HNRNPD: variants seen among roughly 807,000 people sequenced by gnomAD.
The protein encoded by HNRNPD is heterogeneous nuclear ribonucleoprotein D, also known as heterogeneous nuclear ribonucleoprotein D0.
HNRNPD carries 3 observed loss-of-function variants against 47.9 expected under a neutral mutation model. The observed-to-expected ratio is 0.06, with a 90% CI of 0.03 to 0.16. The LOEUF is 0.16. HNRNPD is among the 10% of genes least tolerant of loss of function. The pLI is 1.00. For missense variants in HNRNPD, 287 were observed against 454.2 expected, an observed-to-expected ratio of 0.63 and a Z score of 3.35; for synonymous variants, 171 against 165.1, an observed-to-expected ratio of 1.04 and a Z score of -0.28.
At chr4:82,355,010 T>C (rs1578044725) in intron 8 of HNRNPD, 1 of 365,678 alleles carries the variant, frequency 2.7e-6, no homozygotes, top group Non-Finnish European at 5.0e-6. Context: ...CGCTGGCGGG[T>C]ACAAACAAGG....
At chr4:82,373,309 AAGGG>A (rs1720183810) in intron 1 of HNRNPD, 133 bp downstream of exon 1, 3 of 1,185,170 alleles carry the variant, frequency 2.5e-6, no homozygotes, top group Non-Finnish European at 3.5e-6. Flanking sequence ...AACATAGAAA[AAGGG>A]AGACCAGTGC....
At chr4:82,373,247 A>G in intron 1 of HNRNPD, 199 bp downstream of exon 1, 2 of 747,064 alleles carry the variant, frequency 2.7e-6, no homozygotes, top group Non-Finnish European at 4.5e-6. Flanking sequence ...GTGATGGGGG[A>G]GGGGGGCGAT....
At position 82,353,750 on chromosome 4, in the gene HNRNPD, C is replaced by G. The variant is rs534735952; in HGVS notation, c.*435G>C. 2.6e-5 allele frequency: 4 copies of G among 152,742 alleles called. No individual in the cohort carries two copies. The highest frequency in any genetic ancestry group is 6.5e-5 in the Admixed American group (1 of 15,298). The allele number at this position is 152,742 out of a possible 1,614,324, so 9.5% of individuals were successfully genotyped here. The stretch of plus-strand genomic sequence containing the variant: ...TAATCATGTCCTCAATTTCGGCAAG[C>G]CTGTCTTCCAAACTTATGCTTTTAA... On this transcript the variant is annotated 3_prime_UTR_variant, in exon 9 of 9. Transcript: ENST00000313899.
intron 2 of HNRNPD, 89 bp downstream of exon 2, chr4:82,371,439 G>GA: frequency 1.0e-6 from 1 of 990,964 alleles, no homozygotes; most frequent in Admixed American, 2.1e-5. Context: ...ATTTCCTGGG[G>GA]ATCAATGGGC....
At chr4:82,359,773 CCA>C in intron 2 of HNRNPD, 134 bp from the exon 3 acceptor site, 1 of 500,380 alleles carries the variant, frequency 2.0e-6, no homozygotes, top group African/African-American at 1.9e-5. Context: ...TCCTACATAA[CCA>C]CACATCAGGA....
chr4:82,373,765 C>CCG lies in HNRNPD; in HGVS notation c.-89_-88dup. 1 of 1,527,160 alleles carries CCG rather than the reference C, an allele frequency of 6.5e-7. No homozygotes were observed. Among genetic ancestry groups the CCG allele is most frequent in the Non-Finnish European group, 8.7e-7 (1 of 1,143,774 alleles). 94.6% of individuals were successfully genotyped at this position (1,527,160 alleles called of 1,614,324 possible). On this transcript the variant is annotated 5_prime_UTR_variant, in exon 1 of 9. Transcript: ENST00000313899. The stretch of plus-strand genomic sequence containing the variant: ...AGCAGCAAAGTAATCCCCGCCGCTG[C>CCG]CGCGCGCCCGCTCTACCTCGCGAAG...
chr4:82,356,360 T>C (rs755540135), intron 7 of HNRNPD, 177 bp downstream of exon 7: 16 of 579,978 alleles, frequency 2.8e-5, no homozygotes, highest in Admixed American at 6.1e-5. Context: ...CCTTATAATG[T>C]GTGTGTGATA....
At chr4:82,370,975 T>TACACACACAC (rs1490020615) in intron 2 of HNRNPD, among the ~76,000 whole-genome samples, 4 of 37,694 alleles carry the variant, frequency 1.1e-4, no homozygotes, top group African/African-American at 3.7e-4. Context: ...TTTAATGGTA[T>TACACACACAC]ATATATACAC....
intron 2 of HNRNPD, among the ~76,000 whole-genome samples, chr4:82,362,537 A>C (rs1282855761): frequency 6.6e-6 from 1 of 152,156 alleles, no homozygotes; most frequent in Non-Finnish European, 1.5e-5. Context: ...CAATGAACAC[A>C]AACTGGACCA....
chr4:82,359,368 T>C (rs955346202), intron 3 of HNRNPD, 103 bp downstream of exon 3: 1 of 708,930 alleles, frequency 1.4e-6, no homozygotes, highest in African/African-American at 1.8e-5. Flanking sequence ...TTCCTTCCTA[T>C]ACTATCAAAA....
rs1723600841 is a variant in HNRNPD at position 82,353,647 on chromosome 4, T to C, written c.*538A>G. ...CAACAAACAAATTGACATTAAGTCA[T>C]TCCCAATTTGGACAGGGAGGACACA... On this transcript the variant is annotated 3_prime_UTR_variant, in exon 9 of 9. Transcript: ENST00000313899. 6.6e-6 allele frequency: 1 copy of C among 152,648 alleles called. No homozygotes were observed. Among genetic ancestry groups the C allele is most frequent in the Non-Finnish European group, 1.5e-5 (1 of 68,034 alleles). 9.5% of individuals were successfully genotyped at this position (152,648 alleles called of 1,614,324 possible).
At chr4:82,361,682 AACAATT>A (rs1433456471) in intron 2 of HNRNPD, among the ~76,000 whole-genome samples, 10 of 152,236 alleles carry the variant, frequency 6.6e-5, no homozygotes, top group Admixed American at 5.9e-4. Flanking sequence ...AGAAACAGAA[AACAATT>A]ACAAAGAAAT....
chr4:82,367,026 CTTT>C (rs34807755), intron 2 of HNRNPD, among the ~76,000 whole-genome samples: 22,951 of 127,970 alleles, frequency 0.18, 2,259 homozygotes, highest in Non-Finnish European at 0.24. Context: ...ACACACTAGC[CTTT>C]TTTTTTTTTT....
intron 2 of HNRNPD, among the ~76,000 whole-genome samples, chr4:82,362,022 CCTCT>C (rs1269563611): frequency 2.0e-5 from 3 of 152,170 alleles, no homozygotes; most frequent in Non-Finnish European, 4.4e-5. Context: ...CACCGCCTGC[CCTCT>C]CTAATCTTTC....
intron 2 of HNRNPD, among the ~76,000 whole-genome samples, chr4:82,362,581 A>G (rs908242582): frequency 1.3e-5 from 2 of 152,046 alleles, no homozygotes; most frequent in Non-Finnish European, 2.9e-5. Context: ...GGAACATATT[A>G]ATTCCATTCC....
At position 82,352,502 on chromosome 4, in the gene HNRNPD, TTAAAAA is replaced by T. The variant is rs770047257; in HGVS notation, c.*1677_*1682del. The T allele has an allele frequency of 2.6e-5, 4 of 152,208 alleles. No individual in the cohort carries two copies. Among genetic ancestry groups the T allele is most frequent in the South Asian group, 2.1e-4 (1 of 4,838 alleles). 9.4% of individuals were successfully genotyped at this position (152,208 alleles called of 1,614,324 possible). A position where few individuals can be genotyped will look rare whatever the true frequency, so the allele number is the denominator to read the frequency against. ...GAACGACAGAGGGAGACCCTGTCTC[TTAAAAA>T]TAATTTTTTATTGAGAGATTTACAT... is the stretch of plus-strand genomic sequence containing the variant. On this transcript the variant is annotated 3_prime_UTR_variant, in exon 9 of 9. Coordinates refer to ENST00000313899, the MANE Select transcript of HNRNPD (RefSeq NM_031370.3).
intron 2 of HNRNPD, among the ~76,000 whole-genome samples, chr4:82,360,742 C>G (rs891875502): frequency 4.6e-5 from 7 of 152,122 alleles, no homozygotes; most frequent in Non-Finnish European, 7.4e-5. Context: ...ACATCTCCAT[C>G]TTGTGGGCTT....
chr4:82,361,025 C>T (rs900362784), intron 2 of HNRNPD, among the ~76,000 whole-genome samples: 1 of 152,166 alleles, frequency 6.6e-6, no homozygotes, highest in Non-Finnish European at 1.5e-5. Flanking sequence ...ATGTTCAGGA[C>T]TTCCTCAAAG....
At chr4:82,371,736 A>G in intron 1 of HNRNPD, 152 bp from the exon 2 acceptor site, 3 of 590,622 alleles carry the variant, frequency 5.1e-6, no homozygotes, top group South Asian at 4.6e-5. Flanking sequence ...GGGCTAACAG[A>G]AAGCCTGCCC....
Sources: allele counts gnomAD v4.1 joint callset (sites outside exome capture counted in the v4.1 genomes callset), GRCh38; gene constraint gnomAD v4.1.1; transcripts MANE v1.5; gene names NCBI Gene and HGNC (gene_info 2026-07-23, HGNC 2026-07-21).